Variants in MARCHF1 observed in about 807,000 individuals in gnomAD.
MARCHF1 encodes membrane associated ring-CH-type finger 1.
Under a neutral mutation model 54.2 loss-of-function variants are expected in MARCHF1, and 40 were observed. The observed-to-expected ratio is 0.74, with a 90% confidence interval of 0.57 to 0.96. The LOEUF (loss-of-function observed/expected upper bound fraction) is 0.96. MARCHF1 is among the 40% of genes least tolerant of loss of function. The pLI, the probability that MARCHF1 is intolerant of heterozygous loss-of-function variation, is 0.00. For missense variants in MARCHF1, 586 were observed against 656.5 expected, an observed-to-expected ratio of 0.89 and a Z score of 1.17; for synonymous variants, 236 against 236.3, an observed-to-expected ratio of 1.00 and a Z score of 0.01.
intron 1 of MARCHF1, among the ~76,000 whole-genome samples, chr4:164,309,717 G>A (rs1734796599): frequency 6.6e-6 from 1 of 152,096 alleles, no homozygotes; most frequent in African/African-American, 2.4e-5. Context: ...TTGTGGAATT[G>A]AATCAAGGTC....
intron 1 of MARCHF1, among the ~76,000 whole-genome samples, chr4:164,361,157 C>A (rs1185678341): frequency 6.6e-6 from 1 of 151,886 alleles, no homozygotes; most frequent in Non-Finnish European, 1.5e-5. Context: ...AGTTTTAATC[C>A]CGACTCTACT....
At chr4:163,750,977 T>C (rs1031770922) in intron 4 of MARCHF1, among the ~76,000 whole-genome samples, 1 of 152,178 alleles carries the variant, frequency 6.6e-6, no homozygotes, top group South Asian at 2.1e-4. Flanking sequence ...CAATTCATGA[T>C]AAAAATTATT....
chr4:163,782,977 A>G (rs1378579754), intron 4 of MARCHF1, among the ~76,000 whole-genome samples: 1 of 152,224 alleles, frequency 6.6e-6, no homozygotes, highest in Non-Finnish European at 1.5e-5. Context: ...AGATTAAGAC[A>G]ATTGTATAAG....
intron 1 of MARCHF1, among the ~76,000 whole-genome samples, chr4:164,269,822 T>G (rs1189536227): frequency 6.6e-6 from 1 of 152,132 alleles, no homozygotes; most frequent in East Asian, 1.9e-4. Context: ...GGTAACATCA[T>G]TTTGATTTTC....
chr4:163,934,875 A>T (rs1244801671), intron 3 of MARCHF1, among the ~76,000 whole-genome samples: 1 of 152,118 alleles, frequency 6.6e-6, no homozygotes, highest in Non-Finnish European at 1.5e-5. Context: ...TCCTCCCCTG[A>T]ATCACAAATA....
intron 8 of MARCHF1, among the ~76,000 whole-genome samples, chr4:163,554,648 G>GA (rs1739225070): frequency 2.6e-5 from 4 of 152,136 alleles, no homozygotes; most frequent in Admixed American, 2.0e-4. Flanking sequence ...GTAAAATCAG[G>GA]ATGACAACAG....
intron 2 of MARCHF1, among the ~76,000 whole-genome samples, chr4:164,067,690 T>A (rs534520358): frequency 6.6e-6 from 1 of 151,950 alleles, no homozygotes; most frequent in South Asian, 2.1e-4. Context: ...TTTGGCCAAC[T>A]CCCCAAAAAC....
chr4:163,745,135 C>T (rs1358062017), intron 4 of MARCHF1, among the ~76,000 whole-genome samples: 1 of 145,668 alleles, frequency 6.9e-6, no homozygotes, highest in Admixed American at 6.9e-5. Context: ...TTTTTTGAGA[C>T]AGAGTTTCAC....
At chr4:164,004,709 C>T (rs188433324) in intron 2 of MARCHF1, among the ~76,000 whole-genome samples, 10 of 151,930 alleles carry the variant, frequency 6.6e-5, no homozygotes, top group Non-Finnish European at 1.3e-4. Context: ...ATCACCCCCC[C>T]CAACTGGAAG....
chr4:163,633,364 T>C (rs1329463256), intron 5 of MARCHF1, among the ~76,000 whole-genome samples: 1 of 152,178 alleles, frequency 6.6e-6, no homozygotes, highest in East Asian at 1.9e-4. Flanking sequence ...TTTAGAAGAA[T>C]GTATAACTAG....
At chr4:163,989,286 TGAGAGAGAGAGA>T (rs35987221) in intron 2 of MARCHF1, among the ~76,000 whole-genome samples, 12 of 144,818 alleles carry the variant, frequency 8.3e-5, no homozygotes, top group South Asian at 2.2e-4. Context: ...AATGAGGTGT[TGAGAGAGAGAGA>T]GAGAGAGAGA....
chr4:164,377,889 C>G, intron 1 of MARCHF1, among the ~76,000 whole-genome samples: 1 of 152,126 alleles, frequency 6.6e-6, no homozygotes, highest in East Asian at 1.9e-4. Flanking sequence ...AGCTGTATTG[C>G]GTAGGAGGCT....
At chr4:163,989,600 A>G (rs1167856420) in intron 2 of MARCHF1, among the ~76,000 whole-genome samples, 1 of 152,210 alleles carries the variant, frequency 6.6e-6, no homozygotes, top group Admixed American at 6.5e-5. Context: ...GGAAGAAGTA[A>G]ATGGTTAATC....
chr4:163,554,337 G>A (rs1018489983), intron 8 of MARCHF1, among the ~76,000 whole-genome samples: 2 of 152,198 alleles, frequency 1.3e-5, no homozygotes, highest in Non-Finnish European at 2.9e-5. Context: ...ACTGCCAGAT[G>A]AGAAATTGTC....
chr4:164,201,428 G>T (rs567343720), intron 1 of MARCHF1, among the ~76,000 whole-genome samples: 1 of 152,238 alleles, frequency 6.6e-6, no homozygotes, highest in South Asian at 2.1e-4. Context: ...CACCATGTTG[G>T]CCATGATGGT....
chr4:163,929,935 A>G (rs1289349484), intron 3 of MARCHF1, among the ~76,000 whole-genome samples: 1 of 49,422 alleles, frequency 2.0e-5, no homozygotes, highest in South Asian at 9.5e-4. Context: ...ATAATATATT[A>G]TATATTTATA....
Position 164,048,635 on chromosome 4 carries a change from T to C in MARCHF1, c.-247-59926A>G, listed in dbSNP as rs150323453. Among the ~76,000 whole-genome samples, 16 of 152,302 alleles carry C rather than the reference T, an allele frequency of 1.1e-4. No individual in the cohort carries two copies. The East Asian group carries it at 2.9e-3, about 28-fold the overall frequency. On this transcript the variant is annotated intron_variant, in intron 2 of 9. Transcript: ENST00000514618. ...ATGATGTCTTTGTTTCCAAAGTTGATACACTAGAGTGATACAAAAACAAAA... is the reference window on the plus strand; with the variant it reads ...ATGATGTCTTTGTTTCCAAAGTTGACACACTAGAGTGATACAAAAACAAAA...
At chr4:163,972,955 G>T (rs1204809561) in intron 3 of MARCHF1, among the ~76,000 whole-genome samples, 1 of 152,190 alleles carries the variant, frequency 6.6e-6, no homozygotes, top group African/African-American at 2.4e-5. Flanking sequence ...TGTTATGGTT[G>T]TAAAGTTAAT....
intron 4 of MARCHF1, among the ~76,000 whole-genome samples, chr4:163,749,380 A>G (rs1746454506): frequency 6.6e-6 from 1 of 152,044 alleles, no homozygotes. Flanking sequence ...ATCTAAAAAT[A>G]AAATCAGGTT....
Sources: gnomAD v4.1 joint callset for allele counts (sites outside exome capture counted in the v4.1 genomes callset) on GRCh38, gnomAD v4.1.1 for gene constraint, MANE v1.5 for transcripts, NCBI Gene and HGNC (gene_info 2026-07-23, HGNC 2026-07-21) for gene names.